Variants in PRDM2 observed in about 807,000 individuals in gnomAD.
PRDM2 encodes the protein PR domain zinc finger protein 2.
In PRDM2, 30 loss-of-function variants were observed where a neutral mutation model predicts 130.0. That is an observed-to-expected ratio of 0.23 (90% confidence interval 0.17 to 0.31). The LOEUF (loss-of-function observed/expected upper bound fraction) is 0.31. Ranked by LOEUF, PRDM2 falls within the 10% of genes least tolerant of loss-of-function variation. PRDM2 has a pLI of 1.00. For missense variants in PRDM2, 2,011 were observed against 2,108.4 expected (o/e 0.95, Z 0.90); for synonymous variants, 871 against 782.4 (o/e 1.11, Z -1.89).
chr1:13,780,415 A>G lies in PRDM2; in HGVS notation c.2620A>G (p.Thr874Ala), dbSNP rs373983902. ...EFKESHSVQP[T>A]CSAVKKRKPT... is the part of the protein sequence containing the mutation. ...CAAAGAAAGTCATTCAGTGCAGCCT[A>G]CGTGTAGTGCTGTAAAGAAAAGGAA... Residue 874 changes from threonine to alanine, a missense_variant, in exon 8 of 10, where the codon ACG becomes GCG. Thr to Ala is a moderately conservative substitution (Grantham distance 58, BLOSUM62 0). Transcript: ENST00000311066. The G allele has an allele frequency of 1.2e-6, 2 of 1,614,060 alleles. No homozygotes were observed. Among genetic ancestry groups the G allele is most frequent in the East Asian group, 2.2e-5 (1 of 44,900 alleles).
chr1:13,741,367 C>G (rs1429383746), intron 4 of PRDM2, among the ~76,000 whole-genome samples: 2 of 152,088 alleles, frequency 1.3e-5, no homozygotes, highest in Admixed American at 1.3e-4. Flanking sequence ...TTCCATCACC[C>G]CTTCATCCTT....
intron 1 of PRDM2, among the ~76,000 whole-genome samples, chr1:13,712,249 C>T (rs190959886): frequency 6.6e-6 from 1 of 152,038 alleles, no homozygotes; most frequent in East Asian, 1.9e-4. Flanking sequence ...ACATGAGATT[C>T]CTTGAGATAA....
intron 2 of PRDM2, among the ~76,000 whole-genome samples, chr1:13,718,160 T>C (rs1294760025): frequency 6.6e-6 from 1 of 152,158 alleles, no homozygotes; most frequent in Non-Finnish European, 1.5e-5. Flanking sequence ...AATTCAGATA[T>C]AAAAAAGTTT....
chr1:13,793,250 C>T (rs1165181631), intron 8 of PRDM2, among the ~76,000 whole-genome samples: 1 of 152,242 alleles, frequency 6.6e-6, no homozygotes, highest in Non-Finnish European at 1.5e-5. Context: ...CTGCCACATG[C>T]CGTGCGCGTT....
chr1:13,770,804 G>T (rs1644343125), intron 6 of PRDM2, among the ~76,000 whole-genome samples: 1 of 152,112 alleles, frequency 6.6e-6, no homozygotes, highest in Non-Finnish European at 1.5e-5. Context: ...TTCTGAATAT[G>T]ATTTTTGAAT....
chr1:13,723,613 G>A (rs982292548), intron 2 of PRDM2, among the ~76,000 whole-genome samples: 1 of 152,128 alleles, frequency 6.6e-6, no homozygotes, highest in Non-Finnish European at 1.5e-5. Flanking sequence ...TTGGCTCTGC[G>A]ATGACTTCTA....
intron 9 of PRDM2, among the ~76,000 whole-genome samples, chr1:13,820,416 C>A (rs1645330274): frequency 6.6e-6 from 1 of 152,210 alleles, no homozygotes; most frequent in South Asian, 2.1e-4. Flanking sequence ...TTTCTGTTCA[C>A]TTTTAAGTGC....
chr1:13,820,820 C>T (rs1187083431), intron 9 of PRDM2, among the ~76,000 whole-genome samples: 1 of 151,896 alleles, frequency 6.6e-6, no homozygotes, highest in Admixed American at 6.6e-5. Flanking sequence ...TTAATGGATC[C>T]CACGTGACCC....
chr1:13,754,490 C>T (rs949470158), intron 6 of PRDM2, among the ~76,000 whole-genome samples: 2 of 152,216 alleles, frequency 1.3e-5, no homozygotes, highest in African/African-American at 4.8e-5. Flanking sequence ...ACCAGTTTTC[C>T]CATGCCTTTT....
chr1:13,794,347 C>T (rs1255080288), intron 8 of PRDM2, among the ~76,000 whole-genome samples: 2 of 152,134 alleles, frequency 1.3e-5, no homozygotes, highest in Non-Finnish European at 2.9e-5. Flanking sequence ...GTTATGGACT[C>T]ATTATGTTTG....
Position 13,792,467 on chromosome 1 carries a change from A to G in PRDM2, c.5036+9636A>G, listed in dbSNP as rs558426797. Reference sequence around the variant, plus strand: ...AAGTTATTTAAAACTCATGGATTCAATTTTCCTTGCGGTAACATTCTCTTC... The same window carrying G: ...AAGTTATTTAAAACTCATGGATTCAGTTTTCCTTGCGGTAACATTCTCTTC... On this transcript the variant is annotated intron_variant, in intron 8 of 9. Coordinates refer to ENST00000311066, the MANE Select transcript of PRDM2 (RefSeq NM_001393986.1). Among the ~76,000 whole-genome samples the G allele has an allele frequency of 3.3e-4, 50 of 152,310 alleles. No homozygotes were observed. The East Asian group carries it at 5.2e-3, about 16-fold the overall frequency.
At position 13,780,060 on chromosome 1, in the gene PRDM2, G is replaced by A; in HGVS notation, c.2265G>A (p.Lys755=). The A allele has an allele frequency of 6.2e-7, 1 of 1,614,174 alleles. No homozygotes were observed. Among genetic ancestry groups the A allele is most frequent in the Admixed American group, 1.7e-5 (1 of 60,024 alleles). ...GTCCTGCCCTTCGAGACTTTGGAAAGCCAAGTGATGGGAAAGCAGCATGGA... is the reference window on the plus strand; with the variant it reads ...GTCCTGCCCTTCGAGACTTTGGAAAACCAAGTGATGGGAAAGCAGCATGGA... The part of the protein sequence containing the change: ...QHSPALRDFG[K]PSDGKAAWTD... The change falls in exon 8 of 10, where the codon AAG becomes AAA. Residue 755 remains lysine (K), a synonymous_variant. Coordinates refer to ENST00000311066, the MANE Select transcript of PRDM2 (RefSeq NM_001393986.1).
chr1:13,754,946 C>T (rs1212448861), intron 6 of PRDM2, among the ~76,000 whole-genome samples: 1 of 152,098 alleles, frequency 6.6e-6, no homozygotes, highest in Non-Finnish European at 1.5e-5. Context: ...AGGGGCCTGT[C>T]TCTGCTGTAG....
intron 8 of PRDM2, chr1:13,783,114 A>G (rs1644656167): frequency 3.1e-6 from 2 of 645,326 alleles, no homozygotes; most frequent in African/African-American, 1.8e-5. Context: ...AAAGTACTCT[A>G]AGAAAAGATG....
At chr1:13,768,577 A>G (rs764634081) in intron 6 of PRDM2, among the ~76,000 whole-genome samples, 27 of 150,008 alleles carry the variant, frequency 1.8e-4, no homozygotes, top group Non-Finnish European at 8.9e-5. Context: ...ATGGGGTTTC[A>G]CCCACCATGT....
At chr1:13,704,885 C>T (rs1253718662) in intron 1 of PRDM2, 5 of 152,206 alleles carry the variant, frequency 3.3e-5, no homozygotes, top group African/African-American at 1.2e-4. Context: ...GTTCCTCACT[C>T]TGCGAGGCTT....
chr1:13,704,538 G>C (rs1642152183), intron 1 of PRDM2, among the ~76,000 whole-genome samples: 1 of 152,104 alleles, frequency 6.6e-6, no homozygotes, highest in Non-Finnish European at 1.5e-5. Flanking sequence ...TCATACTCTG[G>C]GTTTTGCTTT....
Position 13,782,124 on chromosome 1 carries a change from G to T in PRDM2, c.4329G>T (p.Lys1443Asn). The T allele has an allele frequency of 6.2e-7, 1 of 1,613,924 alleles. No homozygotes were observed. The highest frequency in any genetic ancestry group is 8.5e-7 in the Non-Finnish European group (1 of 1,180,022). ...ILQKNKSAKQ[K>N]ADLKNACESS... ...AGAAAAACAAATCTGCAAAGCAGAAGGCCGACTTGAAAAATGCTTGTGAGT... is the reference window on the plus strand; with the variant it reads ...AGAAAAACAAATCTGCAAAGCAGAATGCCGACTTGAAAAATGCTTGTGAGT... The change falls in exon 8 of 10, where the codon AAG (lysine) becomes AAT (asparagine). Residue 1443 changes from lysine (K) to asparagine (N), a missense_variant. Transcript: ENST00000311066.
intron 8 of PRDM2, among the ~76,000 whole-genome samples, chr1:13,800,240 T>G (rs181209662): frequency 9.8e-5 from 15 of 152,294 alleles, no homozygotes; most frequent in Admixed American, 7.2e-4. Flanking sequence ...AGATGGCATG[T>G]CAGATGATAA....
Sources: gnomAD v4.1 joint callset for allele counts (sites outside exome capture counted in the v4.1 genomes callset) on GRCh38, gnomAD v4.1.1 for gene constraint, MANE v1.5 for transcripts, NCBI Gene and HGNC (gene_info 2026-07-23, HGNC 2026-07-21) for gene names.